The following ZNF396 variants were observed in gnomAD, a reference collection of about 807,000 sequenced individuals.
ZNF396 encodes zinc finger and SCAN domain-containing protein 14.
A neutral mutation model predicts 20.5 loss-of-function variants in ZNF396; 14 were observed. The observed-to-expected ratio is 0.68, with a 90% confidence interval of 0.45 to 1.07. The LOEUF (loss-of-function observed/expected upper bound fraction) is 1.07. ZNF396 is among the 50% of genes least tolerant of loss of function. ZNF396 has a pLI of 0.00. For synonymous variants in ZNF396, 119 were observed against 140.6 expected, an observed-to-expected ratio of 0.85 and a Z score of 1.08; for missense variants, 347 against 390.1, an observed-to-expected ratio of 0.89 and a Z score of 0.93.
intron 1 of ZNF396, among the ~76,000 whole-genome samples, chr18:35,375,166 C>G (rs1413906701): frequency 1.3e-5 from 2 of 151,644 alleles, no homozygotes; most frequent in South Asian, 4.2e-4. Flanking sequence ...CAGCTGGGCA[C>G]TGTGCTTATG....
At chr18:35,370,380 T>C (rs1190331133) in intron 3 of ZNF396, among the ~76,000 whole-genome samples, 2 of 152,112 alleles carry the variant, frequency 1.3e-5, no homozygotes, top group African/African-American at 4.8e-5. Context: ...CCTGGCTTGA[T>C]GCAGAGGGCC....
intron 3 of ZNF396, 120 bp from the exon 4 acceptor site, chr18:35,369,780 C>T (rs563337056): frequency 8.6e-6 from 9 of 1,045,378 alleles, no homozygotes; most frequent in Middle Eastern, 3.1e-4. Context: ...GAGTGTAAGA[C>T]AAAATATTGA....
Position 35,368,846 on chromosome 18 carries a change from A to T in ZNF396, c.*369T>A. ...AGAATGTCTATTTTTACACTGAGTA[A>T]CTCACACATTCCTTCTCAATGAGGG... On this transcript the variant is annotated 3_prime_UTR_variant, in exon 4 of 4. Transcript: ENST00000589332. 2 of 1,010,134 alleles carry T rather than the reference A, an allele frequency of 2.0e-6. No homozygotes were observed. Among genetic ancestry groups the T allele is most frequent in the East Asian group, 1.9e-4 (2 of 10,298 alleles). 62.6% of individuals were successfully genotyped at this position (1,010,134 alleles called of 1,614,324 possible). A position where few individuals can be genotyped will look rare whatever the true frequency, so the allele number is the denominator to read the frequency against.
intron 2 of ZNF396, 79 bp from the exon 3 acceptor site, chr18:35,373,679 CA>C (rs2045216483): frequency 1.3e-6 from 2 of 1,549,148 alleles, no homozygotes; most frequent in Non-Finnish European, 1.7e-6. Context: ...AGAAACTATG[CA>C]AAAAGTATCA....
chr18:35,370,936 G>A (rs1426786051), intron 3 of ZNF396, among the ~76,000 whole-genome samples: 3 of 152,104 alleles, frequency 2.0e-5, no homozygotes, highest in African/African-American at 4.8e-5. Context: ...TGTGACTACT[G>A]GGGGTGCCTT....
rs1382423122 is a variant in ZNF396, at chr18:35,367,257, T to A, written c.*1958A>T. The stretch of plus-strand genomic sequence containing the variant: ...CAAATCATAATCACTATCAGAAAAT[T>A]CTATAATAAAATTTACATTCACTTC... On this transcript the variant is annotated 3_prime_UTR_variant, in exon 4 of 4. Coordinates refer to ENST00000589332, the MANE Select transcript of ZNF396 (RefSeq NM_001322286.2). 1 of 152,172 alleles carries A rather than the reference T, an allele frequency of 6.6e-6. No individual in the cohort carries two copies. Among genetic ancestry groups the A allele is most frequent in the African/African-American group, 2.4e-5 (1 of 41,448 alleles). The allele number at this position is 152,172 out of a possible 1,614,324, so 9.4% of individuals were successfully genotyped here. A position where few individuals can be genotyped will look rare whatever the true frequency, so the allele number is the denominator to read the frequency against.
chr18:35,371,255 C>T (rs369024197), intron 3 of ZNF396, among the ~76,000 whole-genome samples: 4 of 152,084 alleles, frequency 2.6e-5, no homozygotes, highest in African/African-American at 7.2e-5. Context: ...GTTTCTGTGC[C>T]GTGTTCTCTT....
At chr18:35,373,309 T>C in intron 3 of ZNF396, 147 bp downstream of exon 3, 1 of 918,712 alleles carries the variant, frequency 1.1e-6, no homozygotes, top group Admixed American at 3.6e-5. Flanking sequence ...AAGATCTTCA[T>C]TTAGTAGGAC....
Position 35,368,024 on chromosome 18 carries a change from G to A in ZNF396, c.*1191C>T, listed in dbSNP as rs2909339. On this transcript the variant is annotated 3_prime_UTR_variant, in exon 4 of 4. Coordinates refer to ENST00000589332, the MANE Select transcript of ZNF396 (RefSeq NM_001322286.2). ...CAGCAGTTACGGGCTTCCTCTTCCAGTTAAGCTGTGGTACATCTCTCCGAC... is the reference window on the plus strand; with the variant it reads ...CAGCAGTTACGGGCTTCCTCTTCCAATTAAGCTGTGGTACATCTCTCCGAC... 19,068 of 166,460 alleles carry A rather than the reference G, an allele frequency of 0.11. 1,336 individuals carry two copies. The highest frequency in any genetic ancestry group is 0.16 in the South Asian group (790 of 4,952). The allele number at this position is 166,460 out of a possible 1,614,324, so 10.3% of individuals were successfully genotyped here.
rs1200263356 is a variant in ZNF396, at chr18:35,368,862, T to C, written c.*353A>G. ...CACTGAGTAACTCACACATTCCTTC[T>C]CAATGAGGGAAAAAACATACTTGTC... is the stretch of plus-strand genomic sequence containing the variant. On this transcript the variant is annotated 3_prime_UTR_variant, in exon 4 of 4. Coordinates refer to ENST00000589332, the MANE Select transcript of ZNF396 (RefSeq NM_001322286.2). 5.6e-5 allele frequency: 57 copies of C among 1,019,250 alleles called. No individual in the cohort carries two copies. The highest frequency in any genetic ancestry group is 6.1e-5 in the Non-Finnish European group (52 of 853,074). 63.1% of individuals were successfully genotyped at this position (1,019,250 alleles called of 1,614,324 possible).
At chr18:35,369,970 CAG>C (rs2143894275) in intron 3 of ZNF396, among the ~76,000 whole-genome samples, 1 of 152,138 alleles carries the variant, frequency 6.6e-6, no homozygotes, top group East Asian at 1.9e-4. Context: ...ATTGGAGACA[CAG>C]AGAGCTAGAA....
Position 35,369,036 on chromosome 18 carries a change from C to T in ZNF396, c.*179G>A, listed in dbSNP as rs2045134452. 1 of 1,376,118 alleles carries T rather than the reference C, an allele frequency of 7.3e-7. No individual in the cohort carries two copies. The highest frequency in any genetic ancestry group is 1.5e-5 in the African/African-American group (1 of 68,220). 85.2% of individuals were successfully genotyped at this position (1,376,118 alleles called of 1,614,324 possible). A position where few individuals can be genotyped will look rare whatever the true frequency, so the allele number is the denominator to read the frequency against. ...TCAGAATTGAGACTGCATTGATAAG[C>T]AGAAAAGCAAATAATGCTGACCTGA... On this transcript the variant is annotated 3_prime_UTR_variant, in exon 4 of 4. Coordinates refer to ENST00000589332, the MANE Select transcript of ZNF396 (RefSeq NM_001322286.2).
At chr18:35,373,396 G>GTGTGTGGTGAGCAGAGGGC in intron 3 of ZNF396, 60 bp downstream of exon 3, 1 of 1,568,042 alleles carries the variant, frequency 6.4e-7, no homozygotes, top group Non-Finnish European at 8.7e-7. Flanking sequence ...CAGCTGAGAT[G>GTGTGTGGTGAGCAGAGGGC]TGTGTGGTGA....
chr18:35,375,203 C>G (rs983807019), intron 1 of ZNF396, among the ~76,000 whole-genome samples: 2 of 150,412 alleles, frequency 1.3e-5, no homozygotes, highest in African/African-American at 4.9e-5. Flanking sequence ...TTTGGGAAGC[C>G]GAGGTGGGAG....
chr18:35,376,512 C>T (rs1316803170), intron 1 of ZNF396, among the ~76,000 whole-genome samples: 2 of 152,272 alleles, frequency 1.3e-5, no homozygotes, highest in South Asian at 2.1e-4. Context: ...TGGTTAGAGG[C>T]CATAGGCAGC....
chr18:35,376,128 T>A (rs2045253994), intron 1 of ZNF396: 1 of 152,198 alleles, frequency 6.6e-6, no homozygotes, highest in South Asian at 2.1e-4. Flanking sequence ...AAATCTTACG[T>A]GCGCCTCCGT....
intron 3 of ZNF396, among the ~76,000 whole-genome samples, chr18:35,371,219 A>G (rs1370702623): frequency 6.6e-6 from 1 of 152,134 alleles, no homozygotes; most frequent in East Asian, 1.9e-4. Flanking sequence ...GCCCTTCCCA[A>G]TTCCTTCTTA....
intron 3 of ZNF396, chr18:35,372,726 A>C (rs923878341): frequency 1.3e-5 from 2 of 152,218 alleles, no homozygotes; most frequent in Non-Finnish European, 2.9e-5. Flanking sequence ...TGGCCCTTTT[A>C]TCAAATGAAA....
At chr18:35,377,101 G>A (rs1166307309) in intron 1 of ZNF396, among the ~76,000 whole-genome samples, 177 bp downstream of exon 1, 15 of 152,154 alleles carry the variant, frequency 9.9e-5, no homozygotes, top group Admixed American at 9.8e-4. Context: ...GGACTCAGGG[G>A]CAGGCAGCGG....
Sources: allele counts gnomAD v4.1 joint callset (sites outside exome capture counted in the v4.1 genomes callset), GRCh38; gene constraint gnomAD v4.1.1; transcripts MANE v1.5; gene names NCBI Gene and HGNC (gene_info 2026-07-23, HGNC 2026-07-21).